Variants in SORCS1 observed in about 807,000 individuals in gnomAD.
The protein encoded by SORCS1 is sortilin related VPS10 domain containing receptor 1, also known as VPS10 domain-containing receptor SorCS1.
Under a neutral mutation model 146.1 loss-of-function variants are expected in SORCS1, and 60 were observed. The ratio of observed to expected loss-of-function variants is 0.41; its 90% CI spans 0.33 to 0.51. SORCS1 has a LOEUF of 0.51. Ranked by LOEUF, SORCS1 falls within the 20% of genes least tolerant of loss-of-function variation. SORCS1 has a pLI of 0.21. For synonymous variants in SORCS1, 637 were observed against 584.0 expected (o/e 1.09, Z -1.31); for missense variants, 1,352 against 1,487.6 (o/e 0.91, Z 1.50).
intron 17 of SORCS1, among the ~76,000 whole-genome samples, chr10:106,655,142 A>T (rs1850185879): frequency 6.6e-6 from 1 of 152,202 alleles, no homozygotes; most frequent in Non-Finnish European, 1.5e-5. Context: ...GACATGAGCC[A>T]CCACGCCTGG....
intron 1 of SORCS1, among the ~76,000 whole-genome samples, chr10:107,147,569 T>C (rs931561368): frequency 7.9e-5 from 12 of 152,176 alleles, no homozygotes; most frequent in African/African-American, 2.9e-4. Context: ...GCCACTTTTG[T>C]AGAACAATTT....
intron 4 of SORCS1, among the ~76,000 whole-genome samples, chr10:106,767,079 A>G (rs1383695730): frequency 1.3e-5 from 2 of 152,180 alleles, no homozygotes; most frequent in Admixed American, 1.3e-4. Context: ...CAGGCTGGGT[A>G]GGTGCAATCT....
intron 3 of SORCS1, among the ~76,000 whole-genome samples, chr10:106,813,747 C>T (rs1303686131): frequency 6.6e-6 from 1 of 151,984 alleles, no homozygotes; most frequent in Admixed American, 6.6e-5. Context: ...CTAGCCTGGG[C>T]AACATAGGGA....
chr10:107,135,653 T>C (rs2134670342), intron 1 of SORCS1, among the ~76,000 whole-genome samples: 1 of 152,336 alleles, frequency 6.6e-6, no homozygotes, highest in Non-Finnish European at 1.5e-5. Context: ...GTGTATCTGA[T>C]TAACACCGTA....
chr10:106,795,563 G>A (rs903397383), intron 3 of SORCS1, among the ~76,000 whole-genome samples: 1 of 152,186 alleles, frequency 6.6e-6, no homozygotes, highest in Non-Finnish European at 1.5e-5. Context: ...GGCTAAAAGA[G>A]GGGTAAGAAG....
chr10:106,908,318 T>G (rs1952002539), intron 2 of SORCS1, among the ~76,000 whole-genome samples: 1 of 151,986 alleles, frequency 6.6e-6, no homozygotes, highest in South Asian at 2.1e-4. Context: ...GGGTTAGGAG[T>G]TTTTACCATT....
At chr10:106,728,712 C>T (rs1856381223) in intron 6 of SORCS1, among the ~76,000 whole-genome samples, 1 of 152,136 alleles carries the variant, frequency 6.6e-6, no homozygotes, top group African/African-American at 2.4e-5. Context: ...GGACCTTCTG[C>T]CTTTGTGTTC....
intron 2 of SORCS1, among the ~76,000 whole-genome samples, chr10:106,844,402 A>C (rs12247501): frequency 0.32 from 47,832 of 151,120 alleles, 8,239 homozygotes; most frequent in East Asian, 0.43. Flanking sequence ...TATTGAGGAG[A>C]TTTTCTTCTA....
At chr10:106,957,763 A>G (rs1245868254) in intron 1 of SORCS1, among the ~76,000 whole-genome samples, 3 of 152,220 alleles carry the variant, frequency 2.0e-5, no homozygotes, top group African/African-American at 7.2e-5. Context: ...TATTCGCTCC[A>G]CAGCAAATCC....
chr10:107,052,780 T>C (rs1960244737), intron 1 of SORCS1, among the ~76,000 whole-genome samples: 2 of 152,162 alleles, frequency 1.3e-5, no homozygotes, highest in South Asian at 2.1e-4. Flanking sequence ...TTTTTTTTCA[T>C]TGAAATTTGT....
chr10:106,908,223 G>A (rs940618800), intron 2 of SORCS1, among the ~76,000 whole-genome samples: 8 of 152,040 alleles, frequency 5.3e-5, no homozygotes, highest in African/African-American at 9.7e-5. Context: ...TAATGTTGTC[G>A]GGTAACAGTT....
chr10:107,174,440 C>A, the SORCS1 span, among the ~76,000 whole-genome samples: 5 of 152,212 alleles, frequency 3.3e-5, no homozygotes, highest in South Asian at 1.0e-3. Flanking sequence ...GATCTCCTGA[C>A]CTCGTGATCC....
intron 1 of SORCS1, among the ~76,000 whole-genome samples, chr10:106,970,567 C>A (rs1483896717): frequency 1.3e-5 from 2 of 151,932 alleles, no homozygotes; most frequent in Non-Finnish European, 2.9e-5. Flanking sequence ...GTCTTGGACT[C>A]CTGATCTCAG....
chr10:106,597,547 A>ATAT, intron 23 of SORCS1, 97 bp from the exon 24 acceptor site: 1 of 863,480 alleles, frequency 1.2e-6, no homozygotes, highest in South Asian at 1.5e-5. Context: ...AGGTATCACA[A>ATAT]TATTATACCC....
chr10:106,769,557 T>A (rs1226969302), intron 4 of SORCS1, among the ~76,000 whole-genome samples: 1 of 143,370 alleles, frequency 7.0e-6, no homozygotes, highest in African/African-American at 2.8e-5. Flanking sequence ...TGTTTATAGA[T>A]ATGTTTATAG....
At chr10:107,052,996 C>G (rs1190595300) in intron 1 of SORCS1, among the ~76,000 whole-genome samples, 1 of 152,124 alleles carries the variant, frequency 6.6e-6, no homozygotes, top group African/African-American at 2.4e-5. Flanking sequence ...GTAATCCACA[C>G]AAATCAAATA....
At chr10:106,865,214 G>T (rs1316248990) in intron 2 of SORCS1, among the ~76,000 whole-genome samples, 1 of 152,098 alleles carries the variant, frequency 6.6e-6, no homozygotes, top group Non-Finnish European at 1.5e-5. Flanking sequence ...ACTGTGTGGG[G>T]CCTCCCAACC....
chr10:107,048,049 C>T (rs1191713806), intron 1 of SORCS1, among the ~76,000 whole-genome samples: 1 of 152,004 alleles, frequency 6.6e-6, no homozygotes, highest in Non-Finnish European at 1.5e-5. Flanking sequence ...AATCATGTCA[C>T]TGCACTCCTA....
chr10:106,757,567 A>T (rs1014739886), intron 5 of SORCS1, among the ~76,000 whole-genome samples: 1 of 152,222 alleles, frequency 6.6e-6, no homozygotes, highest in Non-Finnish European at 1.5e-5. Flanking sequence ...GCAGAGACCG[A>T]GATTTTCATC....
Sources: gnomAD v4.1 joint callset for allele counts (sites outside exome capture counted in the v4.1 genomes callset) on GRCh38, gnomAD v4.1.1 for gene constraint, MANE v1.5 for transcripts, NCBI Gene and HGNC (gene_info 2026-07-23, HGNC 2026-07-21) for gene names.